Variants in UGT2B28 observed in about 807,000 individuals in gnomAD.
The protein encoded by UGT2B28 is UDP glucuronosyltransferase family 2 member B28, also known as UDP-glucuronosyltransferase 2B28.
In UGT2B28, 45 loss-of-function variants were observed where a neutral mutation model predicts 43.6. That is an observed-to-expected ratio of 1.03 (90% CI 0.81 to 1.32). The LOEUF (loss-of-function observed/expected upper bound fraction) is 1.32, where lower values mean the gene tolerates loss of function less well. Among genes scored for constraint, UGT2B28 ranks in the 40% most tolerant of loss-of-function variants. The pLI is 0.00. For synonymous variants in UGT2B28, 204 were observed against 208.1 expected (o/e 0.98, Z 0.17); for missense variants, 649 against 625.5 (o/e 1.04, Z -0.40).
intron 4 of UGT2B28, among the ~76,000 whole-genome samples, 175 bp from the exon 5 acceptor site, chr4:69,290,417 C>T (rs1372817917): frequency 1.4e-5 from 2 of 140,392 alleles, no homozygotes; most frequent in East Asian, 2.0e-4. Context: ...ATGCACACCA[C>T]GGAGACTTCA....
intron 2 of UGT2B28, among the ~76,000 whole-genome samples, chr4:69,283,139 G>A (rs1209420247): frequency 7.1e-6 from 1 of 140,154 alleles, no homozygotes; most frequent in Non-Finnish European, 1.5e-5. Context: ...GGAGATAATA[G>A]AAAGTATCCT....
chr4:69,290,676 G>A lies in UGT2B28; in HGVS notation c.1175G>A (p.Gly392Asp). ...ATCTACCATGGGATCCCTATGGTAG[G>A]CATTCCATTGTTTTGGGATCAACCT... is the stretch of plus-strand genomic sequence containing the variant. ...EAIYHGIPMV[G>D]IPLFWDQPDN... Residue 392 changes from glycine (G) to aspartate (D), a missense_variant, in exon 5 of 6, where the codon GGC becomes GAC. Physicochemically the swap from Gly to Asp is moderately conservative, Grantham distance 94. Transcript: ENST00000335568. The A allele has an allele frequency of 2.6e-6, 4 of 1,559,056 alleles. No individual in the cohort carries two copies. Among genetic ancestry groups the A allele is most frequent in the Non-Finnish European group, 3.5e-6 (4 of 1,155,000 alleles).
At position 69,281,071 on chromosome 4, in the gene UGT2B28, C is replaced by T. The variant is rs746254363; in HGVS notation, c.571C>T (p.Pro191Ser). 3.8e-6 allele frequency: 6 copies of T among 1,559,486 alleles called. 1 individual carries two copies. The East Asian group carries it at 6.9e-5, about 18-fold the overall frequency. ...GCACAGTGGAGGACTGATTTTCCCT[C>T]CTTCCTACATACCTGTTGTTATGTC... ...ERHSGGLIFP[P>S]SYIPVVMSKL... Residue 191 changes from proline (P) to serine (S), a missense_variant, in exon 1 of 6, where the codon CCT becomes TCT. Physicochemically the swap from Pro to Ser is moderately conservative, Grantham distance 74. Transcript: ENST00000335568.
chr4:69,281,109 T>A lies in UGT2B28; in HGVS notation c.609T>A (p.Asp203Glu). ...CTGTTGTTATGTCAAAATTAAGTGATCAAATGACTTTCATGGAGAGGGTAA... is the reference window on the plus strand; with the variant it reads ...CTGTTGTTATGTCAAAATTAAGTGAACAAATGACTTTCATGGAGAGGGTAA... The part of the protein sequence containing the change: ...YIPVVMSKLS[D>E]QMTFMERVKN... The change falls in exon 1 of 6, where the codon GAT (aspartate) becomes GAA (glutamate). Residue 203 changes from aspartate (D) to glutamate (E), a missense_variant. By Grantham distance (45) the Asp-to-Glu change is conservative (BLOSUM62 2). Coordinates refer to ENST00000335568, the MANE Select transcript of UGT2B28 (RefSeq NM_053039.2). The A allele has an allele frequency of 6.4e-7, 1 of 1,559,594 alleles. No homozygotes were observed. Among genetic ancestry groups the A allele is most frequent in the Non-Finnish European group, 8.7e-7 (1 of 1,155,342 alleles).
Position 69,286,911 on chromosome 4 carries a change from A to G in UGT2B28, c.1002+28A>G. 1.2e-5 allele frequency: 18 copies of G among 1,548,386 alleles called. 2 individuals are homozygous for G. The highest frequency in any genetic ancestry group is 1.5e-5 in the Non-Finnish European group (17 of 1,151,000). On this transcript the variant is annotated intron_variant, in intron 3 of 5. Coordinates refer to ENST00000335568, the MANE Select transcript of UGT2B28 (RefSeq NM_053039.2). Reference sequence around the variant, plus strand: ...AAGATAAAGTGCCTTACTGGTGTGGAAAACTACTGAAAGAGGCTGTTAAAG... The same window carrying G: ...AAGATAAAGTGCCTTACTGGTGTGGGAAACTACTGAAAGAGGCTGTTAAAG...
rs1345794465 is a variant in UGT2B28 at position 69,281,806 on chromosome 4, A to T, written c.721+585A>T. Among the ~76,000 whole-genome samples, 13 of 140,628 alleles carry T rather than the reference A, an allele frequency of 9.2e-5. 2 individuals carry two copies. Among genetic ancestry groups the T allele is most frequent in the Non-Finnish European group, 9.1e-5 (6 of 65,726 alleles). 92.3% of individuals were successfully genotyped at this position (140,628 alleles called of 152,430 possible). ...AAAGAATTGGAATTCATTCATTTAA[A>T]GTCCAATTATCTTGTTGAAGTGTGA... On this transcript the variant is annotated intron_variant, in intron 1 of 5. Transcript: ENST00000335568.
chr4:69,290,571 C>T (rs746629274), intron 4 of UGT2B28, 21 bp from the exon 5 acceptor site: 1 of 1,536,360 alleles, frequency 6.5e-7, no homozygotes, highest in East Asian at 2.3e-5. Flanking sequence ...AATAATTTTG[C>T]TAAAATTCAT....
intron 1 of UGT2B28, 40 bp downstream of exon 1, chr4:69,281,261 A>C: frequency 6.9e-7 from 1 of 1,459,306 alleles, no homozygotes; most frequent in South Asian, 1.5e-5. Context: ...GATCTAACTT[A>C]TTTGTGTCTT....
rs1478786033 is a variant in UGT2B28 at position 69,282,504 on chromosome 4, T to C, written c.722-10T>C. ...CATCATCCACTTTTTCTTTTCTTTATTCCTGTCAGGAAGACCCACTACCTT... is the reference window on the plus strand; with the variant it reads ...CATCATCCACTTTTTCTTTTCTTTACTCCTGTCAGGAAGACCCACTACCTT... On this transcript the variant is annotated splice_polypyrimidine_tract_variant and intron_variant, in intron 1 of 5. Transcript: ENST00000335568. The C allele has an allele frequency of 6.5e-7, 1 of 1,537,672 alleles. No homozygotes were observed.
At chr4:69,293,624 C>T (rs970131480) in intron 5 of UGT2B28, among the ~76,000 whole-genome samples, 1 of 139,042 alleles carries the variant, frequency 7.2e-6, no homozygotes, top group Non-Finnish European at 1.5e-5. Flanking sequence ...AGAAAGAGTA[C>T]TCCAAGAGCA....
chr4:69,282,522 A>G lies in UGT2B28; in HGVS notation c.730A>G (p.Thr244Ala), dbSNP rs755779705. Residue 244 changes from threonine (T) to alanine (A), a missense_variant, in exon 2 of 6, where the codon ACT becomes GCT. Physicochemically the swap from Thr to Ala is moderately conservative, Grantham distance 58. Coordinates refer to ENST00000335568, the MANE Select transcript of UGT2B28 (RefSeq NM_053039.2). ...QFYSEVLGRPTTLFETMGKAD... is the reference protein window; with the variant it reads ...QFYSEVLGRPATLFETMGKAD... ...TTCTTTATTCCTGTCAGGAAGACCC[A>G]CTACCTTATTTGAGACAATGGGGAA... 54 of 1,547,354 alleles carry G rather than the reference A, an allele frequency of 3.5e-5. 2 individuals are homozygous for G. The East Asian group carries it at 1.1e-3, about 33-fold the overall frequency.
chr4:69,284,912 C>T (rs1723725353), intron 2 of UGT2B28, among the ~76,000 whole-genome samples: 2 of 139,494 alleles, frequency 1.4e-5, no homozygotes, highest in Admixed American at 1.4e-4. Context: ...ATAATATATT[C>T]ACGTGAAATC....
At chr4:69,289,901 A>G in intron 4 of UGT2B28, 149 bp downstream of exon 4, 1 of 863,370 alleles carries the variant, frequency 1.2e-6, no homozygotes, top group South Asian at 2.1e-5. Flanking sequence ...GGGGAAAAGA[A>G]TATGGTAGAA....
intron 3 of UGT2B28, 110 bp downstream of exon 3, chr4:69,286,993 A>T: frequency 6.8e-7 from 1 of 1,465,244 alleles, no homozygotes; most frequent in East Asian, 2.5e-5. Context: ...ACAGCCAAAT[A>T]CAGTCTTAAA....
intron 3 of UGT2B28, among the ~76,000 whole-genome samples, chr4:69,288,926 T>A (rs1723860193): frequency 1.4e-5 from 2 of 140,878 alleles, no homozygotes; most frequent in South Asian, 4.7e-4. Context: ...ATATTTTTGT[T>A]TTTTTATGGC....
chr4:69,293,133 G>T (rs371028381), intron 5 of UGT2B28, among the ~76,000 whole-genome samples: 1 of 140,310 alleles, frequency 7.1e-6, no homozygotes, highest in Non-Finnish European at 1.5e-5. Context: ...AATTACCCAA[G>T]AACTGCTACA....
rs779302887 is a variant in UGT2B28, at chr4:69,281,239, C to T, written c.721+18C>T. On this transcript the variant is annotated intron_variant, in intron 1 of 5. Transcript: ENST00000335568. ...AGTTTTAGGTAAGAATTTGTTTAAT[C>T]GGGAACTTGAAGATCTAACTTATTT... The T allele has an allele frequency of 2.8e-5, 42 of 1,473,888 alleles. 4 individuals carry two copies. Among genetic ancestry groups the T allele is most frequent in the South Asian group, 6.0e-5 (4 of 66,420 alleles). The allele number at this position is 1,473,888 out of a possible 1,614,324, so 91.3% of individuals were successfully genotyped here. A position where few individuals can be genotyped will look rare whatever the true frequency, so the allele number is the denominator to read the frequency against.
rs1355966703 is a variant in UGT2B28, at chr4:69,285,152, G to A, written c.871-1600G>A. Among the ~76,000 whole-genome samples, 6 of 139,302 alleles carry A rather than the reference G, an allele frequency of 4.3e-5. 1 individual carries two copies. Among genetic ancestry groups the A allele is most frequent in the Non-Finnish European group, 9.2e-5 (6 of 65,566 alleles). 91.4% of individuals were successfully genotyped at this position (139,302 alleles called of 152,430 possible). On this transcript the variant is annotated intron_variant, in intron 2 of 5. Transcript: ENST00000335568. ...GATGGAAGTTTTTGCAGGATAAAAT[G>A]TATATACAATAAGATTGAAATTTTC...
At chr4:69,292,531 A>G (rs2109697623) in intron 5 of UGT2B28, among the ~76,000 whole-genome samples, 1 of 141,262 alleles carries the variant, frequency 7.1e-6, no homozygotes, top group Non-Finnish European at 1.5e-5. Context: ...CTCAATCTAA[A>G]CAGACTTTTA....
Sources: allele counts gnomAD v4.1 joint callset (sites outside exome capture counted in the v4.1 genomes callset), GRCh38; gene constraint gnomAD v4.1.1; transcripts MANE v1.5; gene names NCBI Gene and HGNC (gene_info 2026-07-23, HGNC 2026-07-21).